Variants in NF2 observed in about 807,000 individuals in gnomAD.
NF2 encodes merlin.
Under a neutral mutation model 83.7 loss-of-function variants are expected in NF2, and 8 were observed. The observed-to-expected ratio is 0.10, with a 90% confidence interval of 0.06 to 0.17. The LOEUF is 0.17. Ranked by LOEUF, NF2 falls within the 10% of genes least tolerant of loss-of-function variation. The probability of loss-of-function intolerance (pLI) is 1.00; values close to 1 mark genes in which losing one functional copy is unlikely to be tolerated. For synonymous variants in NF2, 266 were observed against 269.6 expected (o/e 0.99, Z 0.13); for missense variants, 533 against 744.4 (o/e 0.72, Z 3.31).
intron 10 of NF2, 31 bp from the exon 11 acceptor site, chr22:29,671,795 T>A (rs778487931): frequency 6.2e-7 from 1 of 1,613,414 alleles, no homozygotes; most frequent in Admixed American, 1.7e-5. Context: ...AGCCCTGTGA[T>A]TCAATGACTG....
At chr22:29,637,008 C>A in intron 2 of NF2, 132 bp downstream of exon 2, 1 of 1,356,802 alleles carries the variant, frequency 7.4e-7, no homozygotes, top group Non-Finnish European at 1.0e-6. Flanking sequence ...TGAATTAAGT[C>A]ATGCAGAAAG....
chr22:29,644,522 G>A (rs1465469660), intron 4 of NF2, among the ~76,000 whole-genome samples: 196 of 130,860 alleles, frequency 1.5e-3, no homozygotes, highest in East Asian at 2.3e-3. Flanking sequence ...ACGGGGTGGC[G>A]GCCGGGCAGA....
Position 29,696,590 on chromosome 22 carries a change from G to A in NF2, c.*1788G>A. On this transcript the variant is annotated 3_prime_UTR_variant, in exon 16 of 16. Transcript: ENST00000338641. The stretch of plus-strand genomic sequence containing the variant: ...TCCTACTATCAGGCTGACCTAATGG[G>A]GTTGGGCTGCTCGGCAACTGCTTGG... 4.6e-6 allele frequency: 1 copy of A among 215,614 alleles called. No individual in the cohort carries two copies. Among genetic ancestry groups the A allele is most frequent in the South Asian group, 1.9e-4 (1 of 5,366 alleles). 13.4% of individuals were successfully genotyped at this position (215,614 alleles called of 1,614,324 possible).
intron 7 of NF2, among the ~76,000 whole-genome samples, chr22:29,659,753 G>A (rs1429257955): frequency 2.0e-5 from 3 of 152,086 alleles, no homozygotes; most frequent in Non-Finnish European, 4.4e-5. Flanking sequence ...AAACTAAATA[G>A]TCAGAAACTA....
intron 6 of NF2, 36 bp from the exon 7 acceptor site, chr22:29,658,149 CACTT>C (rs1469229530): frequency 1.3e-6 from 2 of 1,592,834 alleles, no homozygotes; most frequent in East Asian, 4.5e-5. Flanking sequence ...CCACCCATCT[CACTT>C]AGCTCCAATG....
chr22:29,672,830 G>C (rs945394718), intron 11 of NF2, among the ~76,000 whole-genome samples: 1 of 150,054 alleles, frequency 6.7e-6, no homozygotes, highest in African/African-American at 2.5e-5. Flanking sequence ...ATGTTAGCCA[G>C]GCTGGTCTTG....
At chr22:29,689,281 AG>A (rs2067346177) in intron 15 of NF2, among the ~76,000 whole-genome samples, 2 of 151,616 alleles carry the variant, frequency 1.3e-5, no homozygotes, top group Admixed American at 6.6e-5. Flanking sequence ...CTTATTTGGA[AG>A]GGGGAAGGTT....
At chr22:29,628,776 A>G (rs1056445168) in intron 1 of NF2, among the ~76,000 whole-genome samples, 5 of 151,844 alleles carry the variant, frequency 3.3e-5, no homozygotes, top group African/African-American at 9.7e-5. Flanking sequence ...GACTACAGGT[A>G]TGCGCCACCA....
At chr22:29,630,693 C>T (rs149766394) in intron 1 of NF2, among the ~76,000 whole-genome samples, 1 of 152,342 alleles carries the variant, frequency 6.6e-6, no homozygotes, top group Non-Finnish European at 1.5e-5. Context: ...CTCTTTCCTT[C>T]TGCAAAATGA....
chr22:29,610,536 G>A (rs940116907), intron 1 of NF2, among the ~76,000 whole-genome samples: 12 of 151,760 alleles, frequency 7.9e-5, no homozygotes, highest in African/African-American at 1.9e-4. Context: ...CCAGCTACTC[G>A]AGAGGCTGAG....
Position 29,646,313 on chromosome 22 carries a change from C to T in NF2, c.447+4028C>T, listed in dbSNP as rs546874105. ...TTCAGGCCAAATAGAATGAGTGGAG[C>T]TGGGATGGGAACCCTAGTGTCCAGG... On this transcript the variant is annotated intron_variant, in intron 4 of 15. Transcript: ENST00000338641. Among the ~76,000 whole-genome samples, 3 of 152,316 alleles carry T rather than the reference C, an allele frequency of 2.0e-5. No individual in the cohort carries two copies. In the South Asian group the frequency reaches 6.2e-4, roughly 32 times the overall value.
intron 1 of NF2, among the ~76,000 whole-genome samples, chr22:29,634,999 G>C (rs1464602591): frequency 1.3e-5 from 2 of 152,188 alleles, no homozygotes; most frequent in Non-Finnish European, 2.9e-5. Context: ...TCAGAGAGGA[G>C]ACAGGGCAGA....
In NF2 at chr22:29,605,677, G is replaced by GA. The variant is rs1044122528; in HGVS notation, c.114+1571dup. ...ATGGTCCTGAGGGCAAACAACAAAT[G>GA]AAAAAACACCTATTCAAGAAAATCT... On this transcript the variant is annotated intron_variant, in intron 1 of 15. Transcript: ENST00000338641. Among the ~76,000 whole-genome samples, 94 of 151,938 alleles carry GA rather than the reference G, an allele frequency of 6.2e-4. 4 individuals carry two copies. The highest frequency in any genetic ancestry group is 1.2e-4 in the Non-Finnish European group (8 of 67,958).
chr22:29,685,317 A>G (rs1231562381), intron 15 of NF2, among the ~76,000 whole-genome samples: 1 of 151,970 alleles, frequency 6.6e-6, no homozygotes, highest in East Asian at 1.9e-4. Context: ...CATGTTGCCC[A>G]GGCTGGTCTC....
chr22:29,668,650 T>C (rs1395455837), intron 10 of NF2, among the ~76,000 whole-genome samples: 1 of 152,230 alleles, frequency 6.6e-6, no homozygotes, highest in Non-Finnish European at 1.5e-5. Context: ...ATAGCATATC[T>C]AAAAGAAACA....
chr22:29,672,670 C>T (rs2066835286), intron 11 of NF2, among the ~76,000 whole-genome samples: 1 of 149,584 alleles, frequency 6.7e-6, no homozygotes, highest in Non-Finnish European at 1.5e-5. Context: ...AGCTGGAGTG[C>T]AATGGCATGA....
chr22:29,662,631 G>C (rs2066511341), intron 8 of NF2, among the ~76,000 whole-genome samples: 1 of 152,220 alleles, frequency 6.6e-6, no homozygotes, highest in South Asian at 2.1e-4. Flanking sequence ...CTGACCGTCT[G>C]AATTTAATCT....
intron 14 of NF2, 119 bp from the exon 15 acceptor site, chr22:29,681,320 C>T (rs541800343): frequency 2.0e-5 from 24 of 1,218,824 alleles, no homozygotes; most frequent in African/African-American, 1.5e-4. Context: ...CAAGTAGAGA[C>T]GTGAACCCCA....
chr22:29,636,621 G>C lies in NF2; in HGVS notation c.115-130G>C, dbSNP rs1327404113. On this transcript the variant is annotated intron_variant, in intron 1 of 15. Coordinates refer to ENST00000338641, the MANE Select transcript of NF2 (RefSeq NM_000268.4). The surrounding 1 kb of genome is among the most constrained non-coding windows in gnomAD (Gnocchi z 4.4). ...TAAAGGAAGCTTTAAAATTATTTAG[G>C]AATTCAGTCCTCATCAGCTGTCTTA... 2.6e-6 allele frequency: 3 copies of C among 1,173,654 alleles called. No individual in the cohort carries two copies. The highest frequency in any genetic ancestry group is 3.8e-6 in the Non-Finnish European group (3 of 791,814). The allele number at this position is 1,173,654 out of a possible 1,614,324, so 72.7% of individuals were successfully genotyped here.
Sources: gnomAD v4.1 joint callset for allele counts (sites outside exome capture counted in the v4.1 genomes callset) on GRCh38, gnomAD v4.1.1 for gene constraint, Gnocchi (gnomAD v3.1) non-coding constraint, MANE v1.5 for transcripts, NCBI Gene and HGNC (gene_info 2026-07-23, HGNC 2026-07-21) for gene names.